The following CROT variants were observed in gnomAD, a reference collection of about 807,000 sequenced individuals.
CROT encodes the protein peroxisomal carnitine O-octanoyltransferase.
Under a neutral mutation model 89.2 loss-of-function variants are expected in CROT, and 84 were observed. The ratio of observed to expected loss-of-function variants is 0.94; its 90% CI spans 0.79 to 1.13. The LOEUF (loss-of-function observed/expected upper bound fraction) is 1.13, where lower values mean the gene tolerates loss of function less well. Among genes scored for constraint, CROT ranks in the 50% most tolerant of loss-of-function variants. The probability of loss-of-function intolerance (pLI) is 0.00; values close to 1 mark genes in which losing one functional copy is unlikely to be tolerated. For missense variants in CROT, 711 were observed against 727.8 expected (o/e 0.98, Z 0.27); for synonymous variants, 212 against 239.5 (o/e 0.89, Z 1.06).
intron 1 of CROT, 137 bp from the exon 2 acceptor site, chr7:87,346,203 G>C (rs1381683914): frequency 6.6e-6 from 1 of 151,938 alleles, no homozygotes; most frequent in East Asian, 1.9e-4. Flanking sequence ...ATTTGCGTGT[G>C]TTTGCAGTGA....
intron 4 of CROT, chr7:87,359,967 A>G (rs1283811710): frequency 1.0e-6 from 1 of 981,034 alleles, no homozygotes; most frequent in African/African-American, 1.7e-5. Flanking sequence ...TGTACCTATC[A>G]TTTAGTTTTA....
At chr7:87,396,724 A>G (rs961314825) in intron 17 of CROT, among the ~76,000 whole-genome samples, 1 of 152,098 alleles carries the variant, frequency 6.6e-6, no homozygotes, top group Non-Finnish European at 1.5e-5. Context: ...TAAAAACTAC[A>G]TAAGAACAAA....
rs1359515053 is a variant in CROT, at chr7:87,345,705, C to T, written c.-175C>T. ...CTTTGAGGCCCAAGGGGGAGCGAGC[C>T]GGTGCTGCTGCAGGCTGAGGCTGCG... On this transcript the variant is annotated 5_prime_UTR_variant, in exon 1 of 18. Coordinates refer to ENST00000331536, the MANE Select transcript of CROT (RefSeq NM_021151.4). The T allele has an allele frequency of 8.2e-6, 3 of 365,008 alleles. No individual in the cohort carries two copies. Among genetic ancestry groups the T allele is most frequent in the African/African-American group, 4.2e-5 (2 of 47,906 alleles). The allele number at this position is 365,008 out of a possible 1,614,324, so 22.6% of individuals were successfully genotyped here.
In CROT at chr7:87,382,508, T is replaced by A; in HGVS notation, c.1266T>A (p.Leu422=). ...TTCACCCGGATACGTTTATTCAGCT[T>A]GCACTTCAGCTGGCCTATTACAGAC... ...KMLHPDTFIQ[L]ALQLAYYRLH... The change falls in exon 13 of 18, where the codon CTT becomes CTA. Residue 422 remains leucine (L), a synonymous_variant. Transcript: ENST00000331536. 1 of 1,613,966 alleles carries A rather than the reference T, an allele frequency of 6.2e-7. No individual in the cohort carries two copies.
At chr7:87,353,637 T>C (rs1433111382) in intron 3 of CROT, among the ~76,000 whole-genome samples, 3 of 152,218 alleles carry the variant, frequency 2.0e-5, no homozygotes, top group Admixed American at 2.0e-4. Context: ...TGGAAAGTCC[T>C]CAGGAACCTT....
chr7:87,392,789 C>T lies in CROT; in HGVS notation c.1564C>T (p.Pro522Ser). 6.2e-7 allele frequency: 1 copy of T among 1,613,710 alleles called. No individual in the cohort carries two copies. The highest frequency in any genetic ancestry group is 8.5e-7 in the Non-Finnish European group (1 of 1,179,788). Residue 522 changes from proline to serine, a missense_variant, in exon 16 of 18, where the codon CCA becomes TCA. Coordinates refer to ENST00000331536, the MANE Select transcript of CROT (RefSeq NM_021151.4). ...AGCAAAAGAGGAAGGTCTTCCTGTT[C>T]CAGAACTCTTTACGGACCCACTTTT... ...LIAKEEGLPVPELFTDPLFSK... is the reference protein window; with the variant it reads ...LIAKEEGLPVSELFTDPLFSK...
chr7:87,388,182 G>A (rs1270294838), intron 13 of CROT, among the ~76,000 whole-genome samples: 4 of 151,970 alleles, frequency 2.6e-5, no homozygotes, highest in African/African-American at 9.7e-5. Context: ...TCATATCCTG[G>A]CTGCTCTAAC....
intron 7 of CROT, among the ~76,000 whole-genome samples, chr7:87,371,636 AT>A: frequency 6.6e-6 from 1 of 152,302 alleles, no homozygotes; most frequent in South Asian, 2.1e-4. Context: ...TTCTGCCAGT[AT>A]TATGTGAGGA....
At position 87,372,020 on chromosome 7, in the gene CROT, A is replaced by C. The variant is rs1371172200; in HGVS notation, c.656+2536A>C. On this transcript the variant is annotated intron_variant, in intron 7 of 17. Coordinates refer to ENST00000331536, the MANE Select transcript of CROT (RefSeq NM_021151.4). ...AAAAAAAAAAAACAAAAAAAAAAAAACAAAAAAAAGCTATATCTAGTCAAC... is the reference window on the plus strand; with the variant it reads ...AAAAAAAAAAAACAAAAAAAAAAAACCAAAAAAAAGCTATATCTAGTCAAC... Among the ~76,000 whole-genome samples the C allele has an allele frequency of 1.6e-4, 22 of 141,340 alleles. 1 individual carries two copies. Among genetic ancestry groups the C allele is most frequent in the African/African-American group, 4.4e-4 (17 of 38,892 alleles). The allele number at this position is 141,340 out of a possible 152,430, so 92.7% of individuals were successfully genotyped here. A position where few individuals can be genotyped will look rare whatever the true frequency, so the allele number is the denominator to read the frequency against.
chr7:87,384,837 T>A (rs1238136018), intron 13 of CROT, among the ~76,000 whole-genome samples: 1 of 152,240 alleles, frequency 6.6e-6, no homozygotes, highest in Admixed American at 6.5e-5. Context: ...AGTAGTTTTA[T>A]AGTTTCAGGT....
intron 3 of CROT, among the ~76,000 whole-genome samples, chr7:87,353,549 A>G (rs7806879): frequency 0.021 from 3,144 of 152,250 alleles, 88 homozygotes; most frequent in South Asian, 0.073. Flanking sequence ...AGGCTGGGTA[A>G]TTTATTTTCA....
rs113063416 is a variant in CROT at position 87,358,033 on chromosome 7, C to T, written c.116-1173C>T. ...TCTCCAGATGGAGCTGAAATTAAAA[C>T]GGCATTACTCTGGCTCTCCTAAGCT... On this transcript the variant is annotated intron_variant, in intron 3 of 17. Coordinates refer to ENST00000331536, the MANE Select transcript of CROT (RefSeq NM_021151.4). Among the ~76,000 whole-genome samples, 133 of 152,232 alleles carry T rather than the reference C, an allele frequency of 8.7e-4. 2 individuals are homozygous for T. Among genetic ancestry groups the T allele is most frequent in the African/African-American group, 2.1e-3 (87 of 41,546 alleles).
intron 3 of CROT, among the ~76,000 whole-genome samples, chr7:87,352,395 A>T (rs1805896756): frequency 6.6e-6 from 1 of 152,202 alleles, no homozygotes; most frequent in Admixed American, 6.5e-5. Flanking sequence ...GGCCAATTAA[A>T]CTTTCTAGGC....
At chr7:87,348,276 A>G (rs1024291832) in intron 2 of CROT, among the ~76,000 whole-genome samples, 1 of 152,088 alleles carries the variant, frequency 6.6e-6, no homozygotes, top group African/African-American at 2.4e-5. Context: ...TAGCATTTGT[A>G]TACCTTATTC....
intron 6 of CROT, among the ~76,000 whole-genome samples, chr7:87,365,617 T>TC (rs1309042812): frequency 7.9e-6 from 1 of 126,074 alleles, no homozygotes; most frequent in African/African-American, 4.4e-5. Flanking sequence ...TTGTTTTTTG[T>TC]TTGTCTTTTT....
Position 87,375,955 on chromosome 7 carries a change from T to C in CROT, c.876+2T>C, listed in dbSNP as rs1306019201. On this transcript the variant is annotated splice_donor_variant, in intron 9 of 17. Transcript: ENST00000331536. LOFTEE classifies it high-confidence loss of function. ...GTAACACCAGAGGATTATTCTGAGG[T>C]ACTTAACTACCTTCTCTTTTTTTTT... is the stretch of plus-strand genomic sequence containing the variant. 6.5e-7 allele frequency: 1 copy of C among 1,545,876 alleles called. No homozygotes were observed. The highest frequency in any genetic ancestry group is 8.7e-7 in the Non-Finnish European group (1 of 1,153,342).
chr7:87,396,917 T>A (rs1057416596), intron 17 of CROT, among the ~76,000 whole-genome samples: 6 of 152,208 alleles, frequency 3.9e-5, no homozygotes, highest in African/African-American at 7.2e-5. Context: ...TTTTGATGGT[T>A]GTATAATTTC....
In CROT at chr7:87,359,256, CA is replaced by C. The variant is rs1342144888; in HGVS notation, c.171del (p.Lys57AsnfsTer30). On this transcript the variant is annotated frameshift_variant, in exon 4 of 18. Coordinates refer to ENST00000331536, the MANE Select transcript of CROT (RefSeq NM_021151.4). LOFTEE classifies it high-confidence loss of function. The stretch of plus-strand genomic sequence containing the variant: ...ATATAAGAAAACTGAAGAAATAGTT[CA>C]AAAATTTCAAAGTGGGATTGGAGAA... ...EEYKKTEEIVQKFQSGIGEKL... is the reference protein window; with the variant it reads ...EEYKKTEEIVXKFQSGIGEKL... 1.9e-6 allele frequency: 3 copies of C among 1,592,286 alleles called. No homozygotes were observed. Among genetic ancestry groups the C allele is most frequent in the Non-Finnish European group, 2.6e-6 (3 of 1,163,368 alleles).
intron 14 of CROT, 38 bp from the exon 15 acceptor site, chr7:87,392,528 C>CT (rs765169967): frequency 2.1e-5 from 32 of 1,531,778 alleles, no homozygotes; most frequent in Admixed American, 6.8e-5. Flanking sequence ...GGGTTTTGCA[C>CT]AGTGTGTTAT....
Sources: allele counts gnomAD v4.1 joint callset (sites outside exome capture counted in the v4.1 genomes callset), GRCh38; gene constraint gnomAD v4.1.1; transcripts MANE v1.5; gene names NCBI Gene and HGNC (gene_info 2026-07-23, HGNC 2026-07-21).